Variants in HS6ST3 observed in about 807,000 individuals in gnomAD.
HS6ST3 encodes the protein heparan sulfate 6-O-sulfotransferase 3, also known as heparan-sulfate 6-O-sulfotransferase 3.
HS6ST3 carries 12 observed loss-of-function variants against 36.7 expected under a neutral mutation model. That is an observed-to-expected ratio of 0.33 (90% CI 0.21 to 0.53). HS6ST3 has a LOEUF of 0.53. Ranked by LOEUF, HS6ST3 falls within the 20% of genes least tolerant of loss-of-function variation. The probability of loss-of-function intolerance (pLI) is 0.95; values close to 1 mark genes in which losing one functional copy is unlikely to be tolerated. For synonymous variants in HS6ST3, 240 were observed against 257.5 expected, an observed-to-expected ratio of 0.93 and a Z score of 0.65; for missense variants, 584 against 640.9, an observed-to-expected ratio of 0.91 and a Z score of 0.96.
rs116615234 is a variant in HS6ST3, at chr13:96,736,087, G to A, written c.708-96403G>A. ...CATCAGAAGGTGGAAAGTGGAAGGAGGAAGAGAATCAGGAAAAATAACTAA... is the reference window on the plus strand; with the variant it reads ...CATCAGAAGGTGGAAAGTGGAAGGAAGAAGAGAATCAGGAAAAATAACTAA... On this transcript the variant is annotated intron_variant, in intron 1 of 1. Coordinates refer to ENST00000376705, the MANE Select transcript of HS6ST3 (RefSeq NM_153456.4). Among the ~76,000 whole-genome samples the A allele has an allele frequency of 5.2e-3, 796 of 152,208 alleles. 6 individuals are homozygous for A. The highest frequency in any genetic ancestry group is 0.019 in the African/African-American group (772 of 41,510).
At position 96,511,541 on chromosome 13, in the gene HS6ST3, T is replaced by G. The variant is rs189082707; in HGVS notation, c.708-320949T>G. On this transcript the variant is annotated intron_variant, in intron 1 of 1. Coordinates refer to ENST00000376705, the MANE Select transcript of HS6ST3 (RefSeq NM_153456.4). ...TTTTGAGTTTCTTCCTTCATTGAAT[T>G]GCCTACATGTATACTTAGCCCATTT... Among the ~76,000 whole-genome samples the G allele has an allele frequency of 5.9e-5, 9 of 152,128 alleles. No individual in the cohort carries two copies. The East Asian group carries it at 1.7e-3, about 29-fold the overall frequency.
chr13:96,396,170 C>T (rs552364697), intron 1 of HS6ST3, among the ~76,000 whole-genome samples: 23 of 151,962 alleles, frequency 1.5e-4, no homozygotes, highest in African/African-American at 5.3e-4. Context: ...GAAAATTAGC[C>T]GGGTGTAGTA....
intron 1 of HS6ST3, among the ~76,000 whole-genome samples, chr13:96,222,965 T>C (rs564161799): frequency 6.6e-6 from 1 of 152,288 alleles, no homozygotes; most frequent in African/African-American, 2.4e-5. Context: ...TAGGAGCTTC[T>C]GTGGCATTGT....
intron 1 of HS6ST3, among the ~76,000 whole-genome samples, chr13:96,218,703 G>C (rs1349467888): frequency 6.6e-6 from 1 of 152,254 alleles, no homozygotes; most frequent in East Asian, 1.9e-4. Flanking sequence ...GACAGCGTCA[G>C]AGCACTCTGT....
chr13:96,132,317 A>AAAAGAATT (rs1180681226), intron 1 of HS6ST3, among the ~76,000 whole-genome samples: 1 of 152,180 alleles, frequency 6.6e-6, no homozygotes. Context: ...ATATAGCCCC[A>AAAAGAATT]GTAATGGGAT....
At chr13:96,770,744 A>C (rs1877244157) in intron 1 of HS6ST3, among the ~76,000 whole-genome samples, 1 of 152,182 alleles carries the variant, frequency 6.6e-6, no homozygotes, top group Admixed American at 6.5e-5. Flanking sequence ...ATCAAGCTTG[A>C]GTTGGAATCT....
At chr13:96,733,893 A>G (rs1325848754) in intron 1 of HS6ST3, among the ~76,000 whole-genome samples, 1 of 152,140 alleles carries the variant, frequency 6.6e-6, no homozygotes, top group Non-Finnish European at 1.5e-5. Context: ...TTTCTCCAGA[A>G]TACCTCAATT....
At position 96,148,966 on chromosome 13, in the gene HS6ST3, T is replaced by A. The variant is rs146661902; in HGVS notation, c.707+57397T>A. Among the ~76,000 whole-genome samples the A allele has an allele frequency of 4.0e-3, 607 of 152,326 alleles. 2 individuals are homozygous for A. The highest frequency in any genetic ancestry group is 0.017 in the Middle Eastern group (5 of 294). On this transcript the variant is annotated intron_variant, in intron 1 of 1. Transcript: ENST00000376705. The stretch of plus-strand genomic sequence containing the variant: ...CAAGACTGAGAAAACACATCCTGTT[T>A]ATTAGATGCAAAGGAAAAGAGGATT...
intron 1 of HS6ST3, among the ~76,000 whole-genome samples, chr13:96,104,496 G>C (rs931382911): frequency 2.0e-5 from 3 of 152,174 alleles, no homozygotes; most frequent in Non-Finnish European, 4.4e-5. Context: ...TGAAGGAACT[G>C]CCTCTCCTAG....
chr13:96,557,439 A>G (rs935520739), intron 1 of HS6ST3, among the ~76,000 whole-genome samples: 28 of 152,310 alleles, frequency 1.8e-4, no homozygotes, highest in African/African-American at 6.5e-4. Context: ...AAAAATATGA[A>G]AGACACCACA....
chr13:96,718,088 A>G (rs1240620056), intron 1 of HS6ST3, among the ~76,000 whole-genome samples: 1 of 152,076 alleles, frequency 6.6e-6, no homozygotes, highest in Non-Finnish European at 1.5e-5. Flanking sequence ...GGATCCTACA[A>G]TCGTGGAGAT....
At position 96,487,727 on chromosome 13, in the gene HS6ST3, G is replaced by T. The variant is rs2055922491; in HGVS notation, c.708-344763G>T. Among the ~76,000 whole-genome samples the T allele has an allele frequency of 2.6e-5, 4 of 152,060 alleles. No homozygotes were observed. In the South Asian group the frequency reaches 8.3e-4, roughly 32 times the overall value. ...GTGTGATCAATATTTAAACAAAGGA[G>T]AGCAAATAATTAGACCCTGATTCAC... On this transcript the variant is annotated intron_variant, in intron 1 of 1. Transcript: ENST00000376705.
chr13:96,503,372 AGCTATGAAGATAACAT>A (rs762754303), intron 1 of HS6ST3, among the ~76,000 whole-genome samples: 39 of 152,338 alleles, frequency 2.6e-4, no homozygotes, highest in Non-Finnish European at 4.9e-4. Context: ...CCTGGTGTTT[AGCTATGAAGATAACAT>A]GAATTCACAG....
chr13:96,546,741 T>C (rs543750502), intron 1 of HS6ST3, among the ~76,000 whole-genome samples: 2 of 152,274 alleles, frequency 1.3e-5, no homozygotes, highest in South Asian at 4.1e-4. Flanking sequence ...CAAGACAGGA[T>C]GGAGGATAGA....
At chr13:96,315,700 C>G (rs1303506398) in intron 1 of HS6ST3, among the ~76,000 whole-genome samples, 1 of 151,804 alleles carries the variant, frequency 6.6e-6, no homozygotes, top group Non-Finnish European at 1.5e-5. Context: ...AAAAAAAGGA[C>G]TGTTTGTGTT....
intron 1 of HS6ST3, among the ~76,000 whole-genome samples, chr13:96,105,597 C>T: frequency 6.6e-6 from 1 of 152,098 alleles, no homozygotes. Context: ...TTGCAGTGAG[C>T]TGAAATCGCG....
rs2056682790 is a variant in HS6ST3, at chr13:96,671,559, G to A, written c.708-160931G>A. ...CATGTATTTTTCTCACAGCTTTGGA[G>A]GCTAGAAACTCAAGATCAGGGTGTT... On this transcript the variant is annotated intron_variant, in intron 1 of 1. Coordinates refer to ENST00000376705, the MANE Select transcript of HS6ST3 (RefSeq NM_153456.4). Among the ~76,000 whole-genome samples, 6 of 152,198 alleles carry A rather than the reference G, an allele frequency of 3.9e-5. No homozygotes were observed. In the South Asian group the frequency reaches 1.2e-3, roughly 32 times the overall value.
intron 1 of HS6ST3, among the ~76,000 whole-genome samples, chr13:96,423,855 C>T (rs754441420): frequency 2.6e-4 from 40 of 152,292 alleles, no homozygotes; most frequent in Middle Eastern, 3.4e-3. Context: ...TATGAGGTCA[C>T]TGCCGTATTC....
intron 1 of HS6ST3, among the ~76,000 whole-genome samples, chr13:96,614,935 A>G (rs571807787): frequency 6.6e-6 from 1 of 152,260 alleles, no homozygotes; most frequent in East Asian, 1.9e-4. Flanking sequence ...ACATTTATTT[A>G]TAATATATCT....
Sources: allele counts gnomAD v4.1 joint callset (sites outside exome capture counted in the v4.1 genomes callset), GRCh38; gene constraint gnomAD v4.1.1; transcripts MANE v1.5; gene names NCBI Gene and HGNC (gene_info 2026-07-23, HGNC 2026-07-21).